Variants in SZT2 observed in about 807,000 individuals in gnomAD.
SZT2 encodes the protein SZT2 subunit of KICSTOR complex, also known as KICSTOR complex protein SZT2.
In SZT2, 216 loss-of-function variants were observed where a neutral mutation model predicts 404.2. The ratio of observed to expected loss-of-function variants is 0.53; its 90% CI spans 0.48 to 0.60. SZT2 has a LOEUF of 0.60. Among genes scored for constraint, SZT2 ranks in the 20% least tolerant of loss-of-function variants. The pLI, the probability that SZT2 is intolerant of heterozygous loss-of-function variation, is 0.00. For synonymous variants in SZT2, 1,693 were observed against 1,749.9 expected (o/e 0.97, Z 0.81); for missense variants, 3,857 against 4,459.2 (o/e 0.86, Z 3.85).
At position 43,425,570 on chromosome 1, in the gene SZT2, T is replaced by C. The variant is rs202133537; in HGVS notation, c.2742T>C (p.Tyr914=). Residue 914 remains tyrosine (Y), a synonymous_variant, in exon 19 of 72, where the codon TAT becomes TAC. Transcript: ENST00000634258. This position sits in a 1 kb window ranked among gnomAD's most constrained non-coding sequence, Gnocchi z 4.3. ...CTGAGGTGTGGGTGGAGCCACAGTA[T>C]GGGCGAGTGGGACCTGGCCCTGGAA... ...LVTEVWVEPQ[Y]GRVGPGPGIW... is the part of the protein sequence containing the mutation. 1.2e-6 allele frequency: 2 copies of C among 1,614,144 alleles called. No individual in the cohort carries two copies. The highest frequency in any genetic ancestry group is 2.2e-5 in the East Asian group (1 of 44,882).
At chr1:43,398,807 T>C (rs777767750) in intron 1 of SZT2, among the ~76,000 whole-genome samples, 1 of 152,060 alleles carries the variant, frequency 6.6e-6, no homozygotes, top group Non-Finnish European at 1.5e-5. Context: ...GTAGGTTGGG[T>C]GCGGTGGCTC....
chr1:43,452,139 T>C lies in SZT2; in HGVS notation c.*1659T>C. 6.6e-7 allele frequency: 1 copy of C among 1,507,972 alleles called. No homozygotes were observed. Among genetic ancestry groups the C allele is most frequent in the Non-Finnish European group, 9.2e-7 (1 of 1,092,472 alleles). The allele number at this position is 1,507,972 out of a possible 1,614,324, so 93.4% of individuals were successfully genotyped here. On this transcript the variant is annotated 3_prime_UTR_variant, in exon 72 of 72. Coordinates refer to ENST00000634258, the MANE Select transcript of SZT2 (RefSeq NM_001365999.1). ...TGGCAGCCTCACGTGCTGTCCCCAC[T>C]GTGCACCCCCTTCTCCGCACACCCA... is the stretch of plus-strand genomic sequence containing the variant.
chr1:43,445,686 C>T (rs974595733), intron 62 of SZT2: 138 of 620,808 alleles, frequency 2.2e-4, no homozygotes, highest in Admixed American at 3.0e-4. Flanking sequence ...TTTTTGCCTC[C>T]CTTGAAGCAG....
In SZT2 at chr1:43,430,346, C is replaced by G; in HGVS notation, c.4437C>G (p.Ile1479Met). ...CTCGGGACACAGTAGACAGAAAAAT[C>G]AGTGACCTGGAGTTTTCAGAGGCTG... The part of the protein sequence containing the change: ...EGPRDTVDRK[I>M]SDLEFSEAEL... Residue 1479 changes from isoleucine to methionine, a missense_variant, in exon 31 of 72, where the codon ATC becomes ATG. Transcript: ENST00000634258. 2 of 1,611,312 alleles carry G rather than the reference C, an allele frequency of 1.2e-6. No homozygotes were observed.
Position 43,438,146 on chromosome 1 carries a change from C to T in SZT2, c.6508+244C>T, listed in dbSNP as rs570497898. The T allele has an allele frequency of 2.5e-5, 12 of 482,556 alleles. No homozygotes were observed. In the East Asian group the frequency reaches 4.7e-4, roughly 19 times the overall value. 29.9% of individuals were successfully genotyped at this position (482,556 alleles called of 1,614,324 possible). On this transcript the variant is annotated intron_variant, in intron 46 of 71. Transcript: ENST00000634258. ...AGTTCCTGCTGTGCTCGGGTCTTTC[C>T]TCAAGCAGGAGCTGCATGGGAAGGG...
chr1:43,453,627 C>G lies in SZT2; in HGVS notation c.*3147C>G. The G allele has an allele frequency of 6.7e-7, 1 of 1,496,152 alleles. No homozygotes were observed. The highest frequency in any genetic ancestry group is 1.5e-5 in the African/African-American group (1 of 68,382). The allele number at this position is 1,496,152 out of a possible 1,614,324, so 92.7% of individuals were successfully genotyped here. ...CGTGTTGATCAGTACAAGCCGCAGC[C>G]CCGCTTCTCGCGCGGCGCGCGCCAG... On this transcript the variant is annotated 3_prime_UTR_variant, in exon 72 of 72. Transcript: ENST00000634258.
At position 43,448,164 on chromosome 1, in the gene SZT2, A is replaced by C; in HGVS notation, c.9649A>C (p.Arg3217=). ...CATGCGCCGCTTCCGGAAGCCACCC[A>C]GACTGCCCCCTGAGCCAGAGGCTCC... The part of the protein sequence containing the change: ...ADMRRFRKPP[R]LPPEPEAPGS... Residue 3217 remains arginine (R), a synonymous_variant, in exon 69 of 72, where the codon AGA becomes CGA. Transcript: ENST00000634258. This position sits in a 1 kb window ranked among gnomAD's most constrained non-coding sequence, Gnocchi z 4.2. 1 of 1,611,840 alleles carries C rather than the reference A, an allele frequency of 6.2e-7. No individual in the cohort carries two copies.
At chr1:43,440,181 C>G (rs772761847) in intron 51 of SZT2, 133 bp downstream of exon 51, 134 of 1,309,880 alleles carry the variant, frequency 1.0e-4, no homozygotes, top group Admixed American at 4.5e-4. Flanking sequence ...ACCACTTATT[C>G]ACAGTTGTCC....
rs1456020264 is a variant in SZT2, at chr1:43,452,935, C to T, written c.*2455C>T. The T allele has an allele frequency of 6.2e-7, 1 of 1,608,430 alleles. No homozygotes were observed. The highest frequency in any genetic ancestry group is 8.5e-7 in the Non-Finnish European group (1 of 1,178,144). On this transcript the variant is annotated 3_prime_UTR_variant, in exon 72 of 72. Coordinates refer to ENST00000634258, the MANE Select transcript of SZT2 (RefSeq NM_001365999.1). ...GCCTCAGGAACGCTGCCAAATACAC[C>T]AGGCCTCCTCTTGCCACAGCACCCT...
chr1:43,437,569 T>C lies in SZT2; in HGVS notation c.6291-26T>C, dbSNP rs758286236. 3 of 1,613,862 alleles carry C rather than the reference T, an allele frequency of 1.9e-6. No individual in the cohort carries two copies. The Admixed American group carries it at 5.0e-5, about 27-fold the overall frequency. ...TAAGGATGGCCTGGGAGGAGGCATG[T>C]CCAAAGACATGCTGCTCTTTCCCAG... On this transcript the variant is annotated intron_variant, in intron 44 of 71. Transcript: ENST00000634258. The surrounding 1 kb of genome is among the most constrained non-coding windows in gnomAD (Gnocchi z 5.3).
At chr1:43,436,175 TCTC>T (rs1414939487) in intron 42 of SZT2, 1 of 152,180 alleles carries the variant, frequency 6.6e-6, no homozygotes, top group Non-Finnish European at 1.5e-5. Context: ...CCTTTGCAGT[TCTC>T]CTCTGGTTTA....
In SZT2 at chr1:43,443,262, A is replaced by ACGGG; in HGVS notation, c.8494_8495insCGGG (p.Ile2832ThrfsTer43). On this transcript the variant is annotated frameshift_variant, in exon 60 of 72. Coordinates refer to ENST00000634258, the MANE Select transcript of SZT2 (RefSeq NM_001365999.1). LOFTEE classifies it high-confidence loss of function. ...GCGTTCTACCCCAGCCACCATGCCCATCAGTGTGAGTGACCCCAGCTTGCA... is the reference window on the plus strand; with the variant it reads ...GCGTTCTACCCCAGCCACCATGCCCACGGGTCAGTGTGAGTGACCCCAGCTTGCA... 1 of 1,614,130 alleles carries ACGGG rather than the reference A, an allele frequency of 6.2e-7. No individual in the cohort carries two copies. Among genetic ancestry groups the ACGGG allele is most frequent in the Non-Finnish European group, 8.5e-7 (1 of 1,180,010 alleles).
intron 40 of SZT2, among the ~76,000 whole-genome samples, chr1:43,433,938 A>C (rs111286205): frequency 6.6e-5 from 10 of 152,210 alleles, no homozygotes; most frequent in Non-Finnish European, 1.0e-4. Context: ...AGGCCAGTTA[A>C]ATACTTGCCC....
chr1:43,438,957 C>T lies in SZT2; in HGVS notation c.6656C>T (p.Ser2219Leu). The change falls in exon 48 of 72, where the codon TCA (serine) becomes TTA (leucine). Residue 2219 changes from serine (S) to leucine (L), a missense_variant. Physicochemically the swap from Ser to Leu is moderately radical, Grantham distance 145. This residue lies in a region of SZT2 where 261 missense variants were observed against 372.9 expected (regional missense o/e 0.70). Transcript: ENST00000634258. Reference sequence around the variant, plus strand: ...ATCCAGCCCCCTGGAAGTCTCCCCTCAGAGGTGCTGCATCTGGCCCTACCC... The same window carrying T: ...ATCCAGCCCCCTGGAAGTCTCCCCTTAGAGGTGCTGCATCTGGCCCTACCC... ...EFIQPPGSLP[S>L]EVLHLALPTS... The T allele has an allele frequency of 5.0e-6, 8 of 1,614,238 alleles. No homozygotes were observed. Among genetic ancestry groups the T allele is most frequent in the Non-Finnish European group, 6.8e-6 (8 of 1,180,040 alleles).
chr1:43,429,476 T>C, intron 28 of SZT2: 2 of 523,724 alleles, frequency 3.8e-6, no homozygotes, highest in South Asian at 2.2e-5. Flanking sequence ...AGCAACAGAG[T>C]AAGACTCTGT....
chr1:43,447,800 G>T, intron 67 of SZT2, 49 bp from the exon 68 acceptor site: 1 of 1,612,358 alleles, frequency 6.2e-7, no homozygotes. Context: ...GGTGAGGTTT[G>T]TTTTATTAGA....
rs987771835 is a variant in SZT2 at position 43,445,623 on chromosome 1, C to T, written c.8826-271C>T. ...CTTCCCCCTTCTCTTTCCTGCCCAGCACACACCCTCTCAGTAGCAGAGGCT... is the reference window on the plus strand; with the variant it reads ...CTTCCCCCTTCTCTTTCCTGCCCAGTACACACCCTCTCAGTAGCAGAGGCT... On this transcript the variant is annotated intron_variant, in intron 62 of 71. Coordinates refer to ENST00000634258, the MANE Select transcript of SZT2 (RefSeq NM_001365999.1). 8 of 537,696 alleles carry T rather than the reference C, an allele frequency of 1.5e-5. No homozygotes were observed. In the Admixed American group the frequency reaches 2.5e-4, roughly 17 times the overall value. The allele number at this position is 537,696 out of a possible 1,614,324, so 33.3% of individuals were successfully genotyped here. A position where few individuals can be genotyped will look rare whatever the true frequency, so the allele number is the denominator to read the frequency against.
Position 43,439,321 on chromosome 1 carries a change from G to A in SZT2, c.6793-37G>A. 6.2e-7 allele frequency: 1 copy of A among 1,610,630 alleles called. No individual in the cohort carries two copies. ...CCATCCCCGAGGGTTTTGTCCATTTGCTTGCTCTTAGTGCTCTGTGGCTGT... is the reference window on the plus strand; with the variant it reads ...CCATCCCCGAGGGTTTTGTCCATTTACTTGCTCTTAGTGCTCTGTGGCTGT... On this transcript the variant is annotated intron_variant, in intron 48 of 71. Coordinates refer to ENST00000634258, the MANE Select transcript of SZT2 (RefSeq NM_001365999.1). The surrounding 1 kb of genome is among the most constrained non-coding windows in gnomAD (Gnocchi z 4.2).
chr1:43,408,944 G>A (rs186357824), intron 4 of SZT2, among the ~76,000 whole-genome samples: 1 of 152,298 alleles, frequency 6.6e-6, no homozygotes, highest in East Asian at 1.9e-4. Context: ...ATGTGGGGCA[G>A]GTTGTACGAG....
Sources: allele counts gnomAD v4.1 joint callset (sites outside exome capture counted in the v4.1 genomes callset), GRCh38; gene constraint gnomAD v4.1.1; regional missense constraint gnomAD v4.1.1; non-coding constraint Gnocchi (gnomAD v3.1); transcripts MANE v1.5; gene names NCBI Gene and HGNC (gene_info 2026-07-23, HGNC 2026-07-21).